The following RBPJ variants were observed in gnomAD, a reference collection of about 807,000 sequenced individuals.
RBPJ encodes the protein recombining binding protein suppressor of hairless.
In RBPJ, 9 loss-of-function variants were observed where a neutral mutation model predicts 67.8. The observed-to-expected ratio is 0.13, with a 90% CI of 0.08 to 0.23. The LOEUF (loss-of-function observed/expected upper bound fraction) is 0.23. RBPJ is among the 10% of genes least tolerant of loss of function. The pLI is 1.00. For missense variants in RBPJ, 305 were observed against 595.6 expected, an observed-to-expected ratio of 0.51 and a Z score of 5.08; for synonymous variants, 198 against 203.3, an observed-to-expected ratio of 0.97 and a Z score of 0.22.
intron 1 of RBPJ, among the ~76,000 whole-genome samples, chr4:26,335,348 A>AT (rs1399731520): frequency 2.0e-5 from 3 of 151,230 alleles, no homozygotes; most frequent in African/African-American, 4.9e-5. Context: ...CGCCCGGCTG[A>AT]TTTTTTGTAT....
At chr4:26,320,841 C>T (rs1722945192), upstream of RBPJ, 6 of 1,566,288 alleles carry the variant, frequency 3.8e-6, no homozygotes, top group East Asian at 1.4e-4. Context: ...AGGCAGCGAG[C>T]AGGATCCCCT....
At chr4:26,159,344 C>T (rs142916839), upstream of RBPJ, among the ~76,000 whole-genome samples, 8 of 152,272 alleles carry the variant, frequency 5.3e-5, no homozygotes, top group African/African-American at 1.7e-4. Flanking sequence ...AGTTTTTCCA[C>T]CACCTGGATG....
At chr4:26,284,203 G>T (rs1028077220) in intron 1 of RBPJ, among the ~76,000 whole-genome samples, 6 of 152,130 alleles carry the variant, frequency 3.9e-5, no homozygotes, top group African/African-American at 1.4e-4. Flanking sequence ...GAGAATAAAG[G>T]CTAGGAAATA....
At chr4:26,127,927 C>G in the RBPJ span, among the ~76,000 whole-genome samples, 10 of 152,328 alleles carry the variant, frequency 6.6e-5, no homozygotes, top group African/African-American at 2.4e-4. Context: ...ATTGATTCAT[C>G]TGGGGCACTC....
the RBPJ span, among the ~76,000 whole-genome samples, chr4:26,130,666 G>A: frequency 6.6e-6 from 1 of 152,020 alleles, no homozygotes; most frequent in East Asian, 1.9e-4. Flanking sequence ...AAACTTCAAT[G>A]ATCTACTCCT....
the RBPJ span, among the ~76,000 whole-genome samples, chr4:26,146,449 A>G: frequency 1.3e-5 from 2 of 152,256 alleles, no homozygotes; most frequent in Non-Finnish European, 2.9e-5. Flanking sequence ...TTTAGAAGTC[A>G]GTACAGGAGA....
chr4:26,422,073 TG>T (rs1735191795), intron 5 of RBPJ, among the ~76,000 whole-genome samples: 1 of 152,214 alleles, frequency 6.6e-6, no homozygotes, highest in Non-Finnish European at 1.5e-5. Flanking sequence ...TTCCATATTC[TG>T]GGTTTGGCTG....
the RBPJ span, chr4:26,112,544 C>CTTTTTTT: frequency 7.9e-4 from 81 of 102,288 alleles, 2 homozygotes; most frequent in African/African-American, 2.9e-3. Context: ...AGGAGGCAGC[C>CTTTTTTT]TTTTTTTTTT....
chr4:26,370,224 AAC>A (rs1293707116), intron 1 of RBPJ, among the ~76,000 whole-genome samples: 1 of 152,226 alleles, frequency 6.6e-6, no homozygotes, highest in Admixed American at 6.5e-5. Flanking sequence ...AGGAAAAATT[AAC>A]AGTTAGAATG....
At position 26,275,398 on chromosome 4, in the gene RBPJ, G is replaced by A. The variant is rs1296559065; in HGVS notation, c.-166-87048G>A. On this transcript the variant is annotated intron_variant, in intron 1 of 4. Coordinates refer to the RBPJ transcript ENST00000512351. ...TTCCTAGGAAGATAATGAAAAGGGAGGACCTAGCATGCTATGAGTCTACTT... is the reference window on the plus strand; with the variant it reads ...TTCCTAGGAAGATAATGAAAAGGGAAGACCTAGCATGCTATGAGTCTACTT... 2.0e-5 allele frequency among the ~76,000 whole-genome samples: 3 copies of A among 152,166 alleles called. No homozygotes were observed. In the East Asian group the frequency reaches 5.8e-4, roughly 29 times the overall value.
intron 1 of RBPJ, among the ~76,000 whole-genome samples, chr4:26,242,168 C>G (rs1719658829): frequency 1.3e-5 from 2 of 152,020 alleles, no homozygotes; most frequent in Non-Finnish European, 2.9e-5. Flanking sequence ...TGTGGTCCAG[C>G]CGGGAGCGGT....
intron 1 of RBPJ, among the ~76,000 whole-genome samples, chr4:26,358,339 AT>A (rs1362937766): frequency 6.6e-6 from 1 of 152,104 alleles, no homozygotes; most frequent in African/African-American, 2.4e-5. Flanking sequence ...ATATATGGTA[AT>A]TGGATTACCA....
chr4:26,308,225 G>A (rs1398032481), intron 1 of RBPJ, among the ~76,000 whole-genome samples: 4 of 151,990 alleles, frequency 2.6e-5, no homozygotes, highest in South Asian at 2.1e-4. Flanking sequence ...GCAGTGAGCC[G>A]AGATCGGGCC....
chr4:26,215,060 GAAA>G (rs1223609817), intron 1 of RBPJ, among the ~76,000 whole-genome samples: 1 of 64,820 alleles, frequency 1.5e-5, no homozygotes, highest in African/African-American at 8.1e-5. Flanking sequence ...AAGAGAGAGA[GAAA>G]GAAAGAGAAA....
intron 1 of RBPJ, among the ~76,000 whole-genome samples, chr4:26,173,905 A>G (rs1307961927): frequency 1.3e-5 from 2 of 152,192 alleles, no homozygotes; most frequent in South Asian, 4.1e-4. Context: ...ACAACGTGAT[A>G]AGCGCAATAG....
At chr4:26,145,030 T>TC in the RBPJ span, among the ~76,000 whole-genome samples, 2,940 of 118,004 alleles carry the variant, frequency 0.025, 28 homozygotes, top group Non-Finnish European at 0.031. Context: ...TTCTTCTTCT[T>TC]TTTTTTTTTT....
intron 2 of RBPJ, among the ~76,000 whole-genome samples, chr4:26,394,248 T>C (rs1008740136): frequency 4.6e-5 from 7 of 151,972 alleles, no homozygotes; most frequent in African/African-American, 1.5e-4. Flanking sequence ...AGGATGGTCT[T>C]GATCTCCTGA....
the RBPJ span, among the ~76,000 whole-genome samples, chr4:26,151,874 G>C: frequency 1.3e-5 from 2 of 152,288 alleles, no homozygotes; most frequent in African/African-American, 4.8e-5. Flanking sequence ...AAGGTGGGTC[G>C]GCAGCCAATT....
chr4:26,223,184 A>C (rs1166224113), intron 1 of RBPJ, among the ~76,000 whole-genome samples: 1 of 151,442 alleles, frequency 6.6e-6, no homozygotes, highest in Non-Finnish European at 1.5e-5. Context: ...ATTATACTTT[A>C]ATTAATGTTT....
Sources: gnomAD v4.1 joint callset for allele counts (sites outside exome capture counted in the v4.1 genomes callset) on GRCh38, gnomAD v4.1.1 for gene constraint, MANE v1.5 for transcripts, NCBI Gene and HGNC (gene_info 2026-07-23, HGNC 2026-07-21) for gene names.